KCNG3: variants seen among roughly 807,000 people sequenced by gnomAD.
KCNG3 encodes the protein voltage-gated potassium channel regulatory subunit KCNG3.
Under a neutral mutation model 29.0 loss-of-function variants are expected in KCNG3, and 15 were observed. The observed-to-expected ratio is 0.52, with a 90% CI of 0.35 to 0.80. The LOEUF (loss-of-function observed/expected upper bound fraction) is 0.80, where lower values mean the gene tolerates loss of function less well. KCNG3 is among the 30% of genes least tolerant of loss of function. The pLI is 0.01. For missense variants in KCNG3, 512 were observed against 605.7 expected (o/e 0.85, Z 1.62); for synonymous variants, 322 against 248.9 (o/e 1.29, Z -2.76).
At chr2:42,433,954 A>G in the KCNG3 span, among the ~76,000 whole-genome samples, 1 of 152,226 alleles carries the variant, frequency 6.6e-6, no homozygotes, top group Non-Finnish European at 1.5e-5. Flanking sequence ...CAAGACTTGT[A>G]CACTGAAAAC....
rs1039212706 is a variant in KCNG3, at chr2:42,442,987, T to C, written c.*947A>G. The C allele has an allele frequency of 6.6e-6, 1 of 152,216 alleles. No homozygotes were observed. The highest frequency in any genetic ancestry group is 2.4e-5 in the African/African-American group (1 of 41,462). 9.4% of individuals were successfully genotyped at this position (152,216 alleles called of 1,614,324 possible). On this transcript the variant is annotated 3_prime_UTR_variant, in exon 2 of 2. Coordinates refer to ENST00000306078, the MANE Select transcript of KCNG3 (RefSeq NM_133329.6). ...CAGTGACAACACGTAAGTATGACTTTGCTACTAAAAGGCTATATAAATATC... is the reference window on the plus strand; with the variant it reads ...CAGTGACAACACGTAAGTATGACTTCGCTACTAAAAGGCTATATAAATATC...
intron 1 of KCNG3, among the ~76,000 whole-genome samples, chr2:42,491,803 C>G (rs1257138297): frequency 6.6e-6 from 1 of 152,192 alleles, no homozygotes; most frequent in African/African-American, 2.4e-5. Context: ...GGCCGCCGTT[C>G]CGAACATGTA....
the KCNG3 span, among the ~76,000 whole-genome samples, chr2:42,435,294 G>A: frequency 6.6e-6 from 1 of 152,086 alleles, no homozygotes; most frequent in Non-Finnish European, 1.5e-5. Context: ...GGCAACAAGA[G>A]CAAAACTCCA....
downstream of KCNG3, among the ~76,000 whole-genome samples, chr2:42,441,047 G>C (rs1672461193): frequency 6.6e-6 from 1 of 152,098 alleles, no homozygotes; most frequent in African/African-American, 2.4e-5. Context: ...ATGTCTGTAA[G>C]TATAGCTAAG....
rs77814311 is a variant in KCNG3, at chr2:42,444,773, A to C, written c.666-194T>G. 0.01 allele frequency among the ~76,000 whole-genome samples: 1,598 copies of C among 152,268 alleles called. 31 individuals carry two copies. Among genetic ancestry groups the C allele is most frequent in the African/African-American group, 0.035 (1,461 of 41,540 alleles). ...CAGAACAACAAATCAATTCAGATGA[A>C]AATTGAGACCAGGTGCAGTGGCTCA... On this transcript the variant is annotated intron_variant, in intron 1 of 1. Coordinates refer to ENST00000306078, the MANE Select transcript of KCNG3 (RefSeq NM_133329.6). The surrounding 1 kb of genome is among the most constrained non-coding windows in gnomAD (Gnocchi z 5.8).
chr2:42,412,178 T>C, the KCNG3 span, among the ~76,000 whole-genome samples: 1 of 152,338 alleles, frequency 6.6e-6, no homozygotes, highest in East Asian at 1.9e-4. Flanking sequence ...ACAGCTATGA[T>C]GATATGACTT....
At chr2:42,433,544 G>C in the KCNG3 span, among the ~76,000 whole-genome samples, 1 of 152,120 alleles carries the variant, frequency 6.6e-6, no homozygotes, top group East Asian at 1.9e-4. Context: ...TTCAAGACCA[G>C]CCTGGACAAA....
the KCNG3 span, among the ~76,000 whole-genome samples, chr2:42,434,458 C>CAA: frequency 6.4e-4 from 20 of 31,240 alleles, 1 homozygote; most frequent in African/African-American, 1.3e-3. Flanking sequence ...GACACTGTCT[C>CAA]AAAAAAAAAA....
chr2:42,472,627 T>C (rs1159096752), intron 1 of KCNG3, among the ~76,000 whole-genome samples: 1 of 151,594 alleles, frequency 6.6e-6, no homozygotes, highest in African/African-American at 2.4e-5. Flanking sequence ...GCCTCCCCAG[T>C]AGCTGGGACT....
At chr2:42,429,318 T>A in the KCNG3 span, among the ~76,000 whole-genome samples, 1 of 152,226 alleles carries the variant, frequency 6.6e-6, no homozygotes, top group Admixed American at 6.5e-5. Flanking sequence ...TCTGCTTATT[T>A]AGTAATTAGC....
chr2:42,411,349 A>G, the KCNG3 span, among the ~76,000 whole-genome samples: 2 of 152,190 alleles, frequency 1.3e-5, no homozygotes, highest in African/African-American at 4.8e-5. Context: ...TTACATTTAT[A>G]AATTAAGTTA....
chr2:42,492,702 G>T, intron 1 of KCNG3, 135 bp downstream of exon 1: 1 of 630,064 alleles, frequency 1.6e-6, no homozygotes, highest in Non-Finnish European at 2.1e-6. Context: ...GTAGTTGGCC[G>T]CGCCTGGGCC....
chr2:42,462,592 G>C (rs1382298175), intron 1 of KCNG3, among the ~76,000 whole-genome samples: 1 of 152,144 alleles, frequency 6.6e-6, no homozygotes, highest in Non-Finnish European at 1.5e-5. Flanking sequence ...TGAGGCACGA[G>C]AATCACTTGA....
the KCNG3 span, among the ~76,000 whole-genome samples, chr2:42,391,258 G>C: frequency 6.6e-6 from 1 of 152,114 alleles, no homozygotes; most frequent in African/African-American, 2.4e-5. Flanking sequence ...CTCATGGAGC[G>C]CTCCACATTG....
rs974797874 is a variant in KCNG3 at position 42,443,775 on chromosome 2, C to A, written c.*159G>T. On this transcript the variant is annotated 3_prime_UTR_variant, in exon 2 of 2. Coordinates refer to ENST00000306078, the MANE Select transcript of KCNG3 (RefSeq NM_133329.6). The stretch of plus-strand genomic sequence containing the variant: ...AGTCTCAATTCTATTTACTCCATAA[C>A]AAGTAAACTGTTTTATCCCTTCGGC... The A allele has an allele frequency of 1.5e-6, 1 of 646,258 alleles. No homozygotes were observed. Among genetic ancestry groups the A allele is most frequent in the East Asian group, 2.8e-5 (1 of 36,104 alleles). 40.0% of individuals were successfully genotyped at this position (646,258 alleles called of 1,614,324 possible).
At position 42,443,990 on chromosome 2, in the gene KCNG3, G is replaced by C. The variant is rs372384028; in HGVS notation, c.1255C>G (p.Leu419Val). Residue 419 changes from leucine to valine, a missense_variant, in exon 2 of 2, where the codon CTC becomes GTC. This residue lies in a region of KCNG3 where 173 missense variants were observed against 262.4 expected (regional missense o/e 0.66). Coordinates refer to ENST00000306078, the MANE Select transcript of KCNG3 (RefSeq NM_133329.6). ...CTATACCTAGCAGATCTAAACTTGA[G>C]CTCATGATAACACTGCACAAAGCTA... ...YHSFVQCYHE[L>V]KFRSARYSRS... The C allele has an allele frequency of 2.5e-6, 4 of 1,613,994 alleles. No homozygotes were observed. The South Asian group carries it at 4.4e-5, about 18-fold the overall frequency.
intron 1 of KCNG3, among the ~76,000 whole-genome samples, chr2:42,461,393 T>C (rs1673014590): frequency 6.6e-6 from 1 of 152,040 alleles, no homozygotes; most frequent in Non-Finnish European, 1.5e-5. Flanking sequence ...AGTCAGAAAC[T>C]CTCAAGATTT....
chr2:42,415,446 C>T, the KCNG3 span: 1 of 152,154 alleles, frequency 6.6e-6, no homozygotes, highest in South Asian at 2.1e-4. Flanking sequence ...TCTCATGCTT[C>T]CATGATTTTT....
intron 1 of KCNG3, among the ~76,000 whole-genome samples, chr2:42,485,848 G>GA (rs1673707513): frequency 6.6e-6 from 1 of 152,194 alleles, no homozygotes; most frequent in South Asian, 2.1e-4. Flanking sequence ...GATGTTACTA[G>GA]AAGGCAAACT....
Sources: gnomAD v4.1 joint callset for allele counts (sites outside exome capture counted in the v4.1 genomes callset) on GRCh38, gnomAD v4.1.1 for gene constraint, gnomAD v4.1.1 regional missense constraint, Gnocchi (gnomAD v3.1) non-coding constraint, MANE v1.5 for transcripts, NCBI Gene and HGNC (gene_info 2026-07-23, HGNC 2026-07-21) for gene names.